ABHD11: variants seen among roughly 807,000 people sequenced by gnomAD.
The protein encoded by ABHD11 is abhydrolase domain containing 11.
In ABHD11, 26 loss-of-function variants were observed where a neutral mutation model predicts 29.0. The ratio of observed to expected loss-of-function variants is 0.90; its 90% CI spans 0.66 to 1.24. The LOEUF (loss-of-function observed/expected upper bound fraction) is 1.24, where lower values mean the gene tolerates loss of function less well. Among genes scored for constraint, ABHD11 ranks in the 50% most tolerant of loss-of-function variants. The probability of loss-of-function intolerance (pLI) is 0.00; values close to 1 mark genes in which losing one functional copy is unlikely to be tolerated. For missense variants in ABHD11, 381 were observed against 422.4 expected (o/e 0.90, Z 0.86); for synonymous variants, 169 against 166.4 (o/e 1.02, Z -0.12).
intron 2 of ABHD11, 49 bp downstream of exon 2, chr7:73,738,279 G>GGGCCCCCCC: frequency 1.3e-6 from 1 of 760,562 alleles, no homozygotes. Context: ...CTCAGGCCCC[G>GGGCCCCCCC]CCCACTCCCG....
At position 73,737,090 on chromosome 7, in the gene ABHD11, G is replaced by C. The variant is rs199943314; in HGVS notation, c.627C>G (p.His209Gln). ...CTACCTCTACCAGGTTAGTGAGCAG[G>C]TGCTGCCGCACGGCCATGTCCTGTG... ...SVIQDMAVRQ[H>Q]LLTNLVEVDG... Residue 209 changes from histidine to glutamine, a missense_variant, in exon 5 of 6, where the codon CAC becomes CAG. Transcript: ENST00000222800. The C allele has an allele frequency of 6.2e-7, 1 of 1,614,046 alleles. No homozygotes were observed.
chr7:73,738,536 G>T (rs1191326740), intron 1 of ABHD11, 73 bp from the exon 2 acceptor site: 3 of 1,568,456 alleles, frequency 1.9e-6, no homozygotes, highest in African/African-American at 1.4e-5. Context: ...AAAGAGCTTT[G>T]GGGGAGAGGC....
Position 73,736,611 on chromosome 7 carries a change from T to A in ABHD11, c.869A>T (p.His290Leu). 3 of 1,613,912 alleles carry A rather than the reference T, an allele frequency of 1.9e-6. No individual in the cohort carries two copies. The highest frequency in any genetic ancestry group is 2.5e-6 in the Non-Finnish European group (3 of 1,179,974). ...QTVPNAGHWI[H>L]ADRPQDFIAA... ...TATGAAGTCCTGTGGGCGGTCAGCG[T>A]GGATCCAGTGGCCAGCGTTCGGCAC... Residue 290 changes from histidine to leucine, a missense_variant, in exon 6 of 6, where the codon CAC (histidine) becomes CTC (leucine). Transcript: ENST00000222800.
At position 73,736,627 on chromosome 7, in the gene ABHD11, C is replaced by T. The variant is rs201305039; in HGVS notation, c.853G>A (p.Ala285Thr). ...PRAQMQTVPN[A>T]GHWIHADRPQ... ...CGGTCAGCGTGGATCCAGTGGCCAG[C>T]GTTCGGCACCGTCTGCATCTGGGCC... The change falls in exon 6 of 6, where the codon GCT becomes ACT. Residue 285 changes from alanine to threonine, a missense_variant. Transcript: ENST00000222800. 3.3e-5 allele frequency: 53 copies of T among 1,613,894 alleles called. 1 individual carries two copies. Among genetic ancestry groups the T allele is most frequent in the South Asian group, 2.5e-4 (23 of 91,082 alleles).
At chr7:73,736,833 A>AC in intron 5 of ABHD11, 96 bp downstream of exon 5, 1 of 1,569,926 alleles carries the variant, frequency 6.4e-7, no homozygotes, top group Non-Finnish European at 8.6e-7. Flanking sequence ...CCTCTCAGCC[A>AC]CCCCCCTTCC....
chr7:73,738,336 C>G lies in ABHD11; in HGVS notation c.253G>C (p.Gly85Arg), dbSNP rs782058055. The G allele has an allele frequency of 3.1e-6, 5 of 1,613,320 alleles. No individual in the cohort carries two copies. The Admixed American group carries it at 6.7e-5, about 22-fold the overall frequency. The change falls in exon 2 of 6, where the codon GGC becomes CGC. Residue 85 changes from glycine to arginine, a missense_variant. Coordinates refer to ENST00000222800, the MANE Select transcript of ABHD11 (RefSeq NM_148912.4). ...CCCACTCGAAAGCTCACCCTACGGC[C>G]TGTCTGCTGGGCCAAGATCTTGGCG... ...SIAKILAQQTGRRVLTVDARN... is the reference protein window; with the variant it reads ...SIAKILAQQTRRRVLTVDARN...
Position 73,736,455 on chromosome 7 carries a change from G to T in ABHD11, c.*104C>A, listed in dbSNP as rs571254637. ...GGGTTTCACCATGTTGGCCAGGCTG[G>T]TCTCCAACTCCTGGCCTCAAGTCAT... On this transcript the variant is annotated 3_prime_UTR_variant, in exon 6 of 6. Transcript: ENST00000222800. 26 of 1,468,654 alleles carry T rather than the reference G, an allele frequency of 1.8e-5. No homozygotes were observed. The highest frequency in any genetic ancestry group is 2.4e-5 in the Non-Finnish European group (26 of 1,076,900). 91.0% of individuals were successfully genotyped at this position (1,468,654 alleles called of 1,614,324 possible). A position where few individuals can be genotyped will look rare whatever the true frequency, so the allele number is the denominator to read the frequency against.
rs1471876057 is a variant in ABHD11, at chr7:73,738,471, G to A, written c.126-8C>T. On this transcript the variant is annotated splice_polypyrimidine_tract_variant and splice_region_variant and intron_variant, in intron 1 of 5. Coordinates refer to ENST00000222800, the MANE Select transcript of ABHD11 (RefSeq NM_148912.4). ...TAGGAAAGCGGAAGCGGCCTGGCAGGGGAAGGATCGAGGTCAGAGTCTGAG... is the reference window on the plus strand; with the variant it reads ...TAGGAAAGCGGAAGCGGCCTGGCAGAGGAAGGATCGAGGTCAGAGTCTGAG... 1 of 1,607,766 alleles carries A rather than the reference G, an allele frequency of 6.2e-7. No individual in the cohort carries two copies. Among genetic ancestry groups the A allele is most frequent in the Non-Finnish European group, 8.5e-7 (1 of 1,177,120 alleles).
Position 73,738,737 on chromosome 7 carries a change from G to T in ABHD11, c.34C>A (p.Arg12Ser). Residue 12 changes from arginine (R) to serine (S), a missense_variant, in exon 1 of 6, where the codon CGT becomes AGT. By Grantham distance (110) the Arg-to-Ser change is moderately radical. Coordinates refer to ENST00000222800, the MANE Select transcript of ABHD11 (RefSeq NM_148912.4). ...GGGCCGTGGGGGCCGAGTCCCTCAC[G>T]CGGGAGCCTCCAGGCTCGGGTCCAG... is the stretch of plus-strand genomic sequence containing the variant. ...LRWTRAWRLPREGLGPHGPSF... is the reference protein window; with the variant it reads ...LRWTRAWRLPSEGLGPHGPSF... 2 of 1,609,982 alleles carry T rather than the reference G, an allele frequency of 1.2e-6. No homozygotes were observed. Among genetic ancestry groups the T allele is most frequent in the South Asian group, 2.2e-5 (2 of 90,668 alleles).
chr7:73,736,532 G>T lies in ABHD11; in HGVS notation c.*27C>A. 1 of 1,612,094 alleles carries T rather than the reference G, an allele frequency of 6.2e-7. No individual in the cohort carries two copies. The highest frequency in any genetic ancestry group is 8.5e-7 in the Non-Finnish European group (1 of 1,179,442). On this transcript the variant is annotated 3_prime_UTR_variant, in exon 6 of 6. Transcript: ENST00000222800. Reference sequence around the variant, plus strand: ...TGGAATTACAGGCATGAGCCACCACGCCCGGCCATCTTCTTGCCAGCAACT... The same window carrying T: ...TGGAATTACAGGCATGAGCCACCACTCCCGGCCATCTTCTTGCCAGCAACT...
Position 73,736,788 on chromosome 7 carries a change from G to A in ABHD11, c.789-97C>T, listed in dbSNP as rs892029097. On this transcript the variant is annotated intron_variant, in intron 5 of 5. Transcript: ENST00000222800. ...AGCAGAACGGGGAGAAATGGAGAGA[G>A]CTGTGTGAGCCCATATGCCCGGTGG... The A allele has an allele frequency of 2.3e-5, 37 of 1,593,186 alleles. No individual in the cohort carries two copies. In the African/African-American group the frequency reaches 4.6e-4, roughly 20 times the overall value.
Position 73,738,640 on chromosome 7 carries a change from A to G in ABHD11, c.125+6T>C, listed in dbSNP as rs1225756115. On this transcript the variant is annotated splice_donor_region_variant and intron_variant, in intron 1 of 5. Coordinates refer to ENST00000222800, the MANE Select transcript of ABHD11 (RefSeq NM_148912.4). The stretch of plus-strand genomic sequence containing the variant: ...GATGGCCTCCCGCCCGGTGCCCTTG[A>G]CTGACCTCGGCTCGGCGCCCCCTCG... 48 of 1,592,066 alleles carry G rather than the reference A, an allele frequency of 3.0e-5. No individual in the cohort carries two copies. The highest frequency in any genetic ancestry group is 3.9e-5 in the Non-Finnish European group (46 of 1,171,816).
chr7:73,738,201 G>A (rs1435594976), intron 2 of ABHD11, 127 bp downstream of exon 2: 6 of 1,389,054 alleles, frequency 4.3e-6, no homozygotes, highest in South Asian at 1.3e-5. Context: ...TGCCGTTCAG[G>A]GTCCATACTC....
chr7:73,737,996 G>A, intron 2 of ABHD11: 1 of 753,954 alleles, frequency 1.3e-6, no homozygotes, highest in South Asian at 1.5e-5. Flanking sequence ...ATGCCAGGAA[G>A]GAGACTCCAG....
At chr7:73,737,933 G>A (rs1800090554) in intron 2 of ABHD11, 198 bp from the exon 3 acceptor site, 1 of 918,208 alleles carries the variant, frequency 1.1e-6, no homozygotes, top group African/African-American at 1.6e-5. Context: ...CAGGCCCCAG[G>A]GTTGTGACCA....
At chr7:73,736,869 T>A in intron 5 of ABHD11, 60 bp downstream of exon 5, 1 of 1,582,842 alleles carries the variant, frequency 6.3e-7, no homozygotes, top group Admixed American at 1.7e-5. Context: ...CCTGGTAGGG[T>A]CCCCAGGCTG....
rs782681320 is a variant in ABHD11 at position 73,737,729 on chromosome 7, T to A, written c.268A>T (p.Thr90Ser). The change falls in exon 3 of 6, where the codon ACG becomes TCG. Residue 90 changes from threonine (T) to serine (S), a missense_variant. Thr to Ser is a moderately conservative substitution (Grantham distance 58). Transcript: ENST00000222800. ...TCACCGTGGTTACGAGCATCCACCG[T>A]CAGCACCTGGGGAGTGGGGTGAGAC... The part of the protein sequence containing the change: ...LAQQTGRRVL[T>S]VDARNHGDSP... The A allele has an allele frequency of 6.8e-6, 11 of 1,610,174 alleles. No homozygotes were observed. The highest frequency in any genetic ancestry group is 9.3e-6 in the Non-Finnish European group (11 of 1,178,230).
chr7:73,738,278 C>T, intron 2 of ABHD11, 50 bp downstream of exon 2: 1 of 1,395,818 alleles, frequency 7.2e-7, no homozygotes, highest in Non-Finnish European at 9.9e-7. Context: ...TCTCAGGCCC[C>T]GCCCACTCCC....
At position 73,737,018 on chromosome 7, in the gene ABHD11, G is replaced by A. The variant is rs1554622043; in HGVS notation, c.699C>T (p.His233=). The change falls in exon 5 of 6, where the codon CAC becomes CAT. Residue 233 remains histidine (H), a synonymous_variant. Coordinates refer to ENST00000222800, the MANE Select transcript of ABHD11 (RefSeq NM_148912.4). ...WRVNLDALTQ[H]LDKILAFPQR... Reference sequence around the variant, plus strand: ...GTGGGAAAGCCAAGATCTTGTCTAGGTGCTGGGTCAGGGCATCCAAGTTCA... The same window carrying A: ...GTGGGAAAGCCAAGATCTTGTCTAGATGCTGGGTCAGGGCATCCAAGTTCA... 10 of 1,614,104 alleles carry A rather than the reference G, an allele frequency of 6.2e-6. No homozygotes were observed. Among genetic ancestry groups the A allele is most frequent in the Non-Finnish European group, 8.5e-6 (10 of 1,180,034 alleles).
Sources: gnomAD v4.1 joint callset for allele counts on GRCh38, gnomAD v4.1.1 for gene constraint, MANE v1.5 for transcripts, NCBI Gene and HGNC (gene_info 2026-07-23, HGNC 2026-07-21) for gene names.